NKAIN2: variants seen among roughly 807,000 people sequenced by gnomAD.
NKAIN2 encodes the protein sodium/potassium transporting ATPase interacting 2.
Under a neutral mutation model 32.6 loss-of-function variants are expected in NKAIN2, and 14 were observed. The observed-to-expected ratio is 0.43, with a 90% CI of 0.28 to 0.67. The LOEUF (loss-of-function observed/expected upper bound fraction) is 0.67, where lower values mean the gene tolerates loss of function less well. Ranked by LOEUF, NKAIN2 falls within the 30% of genes least tolerant of loss-of-function variation. The probability of loss-of-function intolerance (pLI) is 0.17; values close to 1 mark genes in which losing one functional copy is unlikely to be tolerated. For synonymous variants in NKAIN2, 80 were observed against 87.2 expected (o/e 0.92, Z 0.46); for missense variants, 198 against 258.3 (o/e 0.77, Z 1.60).
chr6:124,551,615 A>G (rs1033317948), intron 3 of NKAIN2, among the ~76,000 whole-genome samples: 3 of 152,198 alleles, frequency 2.0e-5, no homozygotes, highest in Admixed American at 6.5e-5. Context: ...GGAAAAGGTG[A>G]TTTTTAAGCT....
intron 2 of NKAIN2, among the ~76,000 whole-genome samples, chr6:124,339,603 G>T (rs190694769): frequency 5.7e-4 from 86 of 152,174 alleles, no homozygotes; most frequent in Non-Finnish European, 1.0e-3. Flanking sequence ...TGTGAAATAG[G>T]CATCTACCTC....
chr6:124,042,520 C>G (rs73770317), intron 1 of NKAIN2, among the ~76,000 whole-genome samples: 2,187 of 152,118 alleles, frequency 0.014, 45 homozygotes, highest in African/African-American at 0.05. Flanking sequence ...CTTCAATATT[C>G]ACTTTACTCG....
chr6:124,322,294 T>C (rs1797231692), intron 2 of NKAIN2, among the ~76,000 whole-genome samples: 1 of 152,180 alleles, frequency 6.6e-6, no homozygotes, highest in South Asian at 2.1e-4. Flanking sequence ...ATAAAATAGA[T>C]TATAACTTTT....
intron 4 of NKAIN2, among the ~76,000 whole-genome samples, chr6:124,731,113 G>A (rs529581904): frequency 7.3e-6 from 1 of 136,898 alleles, no homozygotes; most frequent in South Asian, 2.7e-4. Flanking sequence ...ACTGTTGGTG[G>A]GACTGTAAAC....
At position 123,964,444 on chromosome 6, in the gene NKAIN2, A is replaced by G. The variant is rs9491020; in HGVS notation, c.54+160190A>G. 0.026 allele frequency among the ~76,000 whole-genome samples: 3,936 copies of G among 152,200 alleles called. 166 individuals are homozygous for G. Among genetic ancestry groups the G allele is most frequent in the African/African-American group, 0.089 (3,706 of 41,522 alleles). ...GATGGCTTCAGTGTAAATCCTAGTC[A>G]TCTGGATCAGGTATATAAAAACTTC... On this transcript the variant is annotated intron_variant, in intron 1 of 6. Coordinates refer to ENST00000368417, the MANE Select transcript of NKAIN2 (RefSeq NM_001040214.3). The surrounding 1 kb of genome is among the most constrained non-coding windows in gnomAD (Gnocchi z 4.0).
intron 1 of NKAIN2, among the ~76,000 whole-genome samples, chr6:123,878,331 C>T (rs73551336): frequency 0.047 from 7,128 of 152,154 alleles, 408 homozygotes; most frequent in African/African-American, 0.14. Flanking sequence ...GTACACTTTT[C>T]CATTTCTTAC....
intron 1 of NKAIN2, among the ~76,000 whole-genome samples, chr6:124,243,889 A>G (rs1372688368): frequency 2.6e-5 from 4 of 152,072 alleles, no homozygotes; most frequent in Non-Finnish European, 5.9e-5. Flanking sequence ...ATTATTATTA[A>G]TTTCCCAAAA....
rs57280967 is a variant in NKAIN2 at position 124,581,445 on chromosome 6, CAAAAAAA to C, written c.274-76722_274-76716del. On this transcript the variant is annotated intron_variant, in intron 3 of 6. Coordinates refer to ENST00000368417, the MANE Select transcript of NKAIN2 (RefSeq NM_001040214.3). Reference sequence around the variant, plus strand: ...TGGGCAACAGAGCGAGACTCCGTCTCAAAAAAAAAAAAAAAAAAAAAAAAAGAAACAT... The same window carrying C: ...TGGGCAACAGAGCGAGACTCCGTCTCAAAAAAAAAAAAAAAAAAGAAACAT... 1.8e-4 allele frequency among the ~76,000 whole-genome samples: 15 copies of C among 81,438 alleles called. No homozygotes were observed. The East Asian group carries it at 2.7e-3, about 15-fold the overall frequency. 53.4% of individuals were successfully genotyped at this position (81,438 alleles called of 152,430 possible).
At chr6:124,086,837 C>A (rs183827904) in intron 1 of NKAIN2, among the ~76,000 whole-genome samples, 26 of 151,938 alleles carry the variant, frequency 1.7e-4, no homozygotes, top group Admixed American at 7.9e-4. Flanking sequence ...GTGGTTTCTA[C>A]AAAACATTTA....
intron 1 of NKAIN2, among the ~76,000 whole-genome samples, chr6:124,056,156 A>C (rs760265430): frequency 6.6e-6 from 1 of 152,022 alleles, no homozygotes; most frequent in African/African-American, 2.4e-5. Flanking sequence ...TAATAAAAGT[A>C]ATGAGGCCAT....
At chr6:124,223,170 G>T (rs546032202) in intron 1 of NKAIN2, among the ~76,000 whole-genome samples, 1 of 130,836 alleles carries the variant, frequency 7.6e-6, no homozygotes, top group Non-Finnish European at 1.5e-5. Context: ...TGGAGATTGC[G>T]CCACTGTACT....
rs116606003 is a variant in NKAIN2 at position 124,034,207 on chromosome 6, G to A, written c.54+229953G>A. ...GTGCACCATGTAATGCTGGGGCTTC[G>A]ACTTCTATTGAATTCATCACTGGGT... On this transcript the variant is annotated intron_variant, in intron 1 of 6. Coordinates refer to ENST00000368417, the MANE Select transcript of NKAIN2 (RefSeq NM_001040214.3). Among the ~76,000 whole-genome samples the A allele has an allele frequency of 7.6e-3, 1,158 of 152,050 alleles. 17 individuals are homozygous for A. Among genetic ancestry groups the A allele is most frequent in the African/African-American group, 0.025 (1,056 of 41,498 alleles).
intron 3 of NKAIN2, among the ~76,000 whole-genome samples, chr6:124,530,768 G>C (rs1779495563): frequency 6.6e-6 from 1 of 152,180 alleles, no homozygotes; most frequent in Non-Finnish European, 1.5e-5. Context: ...TGAGAATAGG[G>C]ATTGGTGGGG....
chr6:124,310,615 A>G (rs1054057876), intron 2 of NKAIN2, among the ~76,000 whole-genome samples: 2 of 152,166 alleles, frequency 1.3e-5, no homozygotes, highest in African/African-American at 4.8e-5. Context: ...CATACCATGC[A>G]CTTCTTACAG....
chr6:124,302,831 G>T (rs1796345087), intron 2 of NKAIN2, among the ~76,000 whole-genome samples: 1 of 152,096 alleles, frequency 6.6e-6, no homozygotes, highest in Admixed American at 6.6e-5. Context: ...TAAAATTTGG[G>T]CTGAAACCAA....
At position 124,115,464 on chromosome 6, in the gene NKAIN2, AT is replaced by A. The variant is rs1254656009; in HGVS notation, c.55-167540del. ...AGCCTTATCACATGACTATAGTGTTATCAGACAGACAATTTCATATATTTCC... is the reference window on the plus strand; with the variant it reads ...AGCCTTATCACATGACTATAGTGTTACAGACAGACAATTTCATATATTTCC... On this transcript the variant is annotated intron_variant, in intron 1 of 6. Coordinates refer to ENST00000368417, the MANE Select transcript of NKAIN2 (RefSeq NM_001040214.3). 3.9e-5 allele frequency among the ~76,000 whole-genome samples: 6 copies of A among 152,242 alleles called. No individual in the cohort carries two copies. The East Asian group carries it at 1.2e-3, about 29-fold the overall frequency.
intron 1 of NKAIN2, among the ~76,000 whole-genome samples, chr6:124,106,712 A>G (rs1055688613): frequency 1.3e-5 from 2 of 152,208 alleles, no homozygotes; most frequent in Non-Finnish European, 2.9e-5. Flanking sequence ...TAAATAACAG[A>G]ATGAGGACAT....
intron 1 of NKAIN2, among the ~76,000 whole-genome samples, chr6:124,176,353 C>G (rs774713033): frequency 6.6e-6 from 1 of 152,074 alleles, no homozygotes; most frequent in Non-Finnish European, 1.5e-5. Context: ...CCAGGACTAG[C>G]TAGTCTCTAA....
intron 1 of NKAIN2, among the ~76,000 whole-genome samples, chr6:123,998,057 A>C (rs775499040): frequency 2.0e-5 from 3 of 152,142 alleles, no homozygotes; most frequent in Non-Finnish European, 4.4e-5. Context: ...GGTTGGGATT[A>C]AGTGCACCTT....
Sources: gnomAD v4.1 joint callset for allele counts (sites outside exome capture counted in the v4.1 genomes callset) on GRCh38, gnomAD v4.1.1 for gene constraint, Gnocchi (gnomAD v3.1) non-coding constraint, MANE v1.5 for transcripts, NCBI Gene and HGNC (gene_info 2026-07-23, HGNC 2026-07-21) for gene names.